Variants in KCNJ4 observed in about 807,000 individuals in gnomAD.
KCNJ4 encodes inward rectifier potassium channel 4.
KCNJ4 carries 3 observed loss-of-function variants against 25.6 expected under a neutral mutation model. That is an observed-to-expected ratio of 0.12 (90% CI 0.05 to 0.30). KCNJ4 has a LOEUF of 0.30. Among genes scored for constraint, KCNJ4 ranks in the 10% least tolerant of loss-of-function variants. The pLI, the probability that KCNJ4 is intolerant of heterozygous loss-of-function variation, is 1.00. For missense variants in KCNJ4, 286 were observed against 666.8 expected (o/e 0.43, Z 6.29); for synonymous variants, 257 against 283.9 (o/e 0.91, Z 0.95).
chr22:38,431,042 C>T (rs1344174113), intron 1 of KCNJ4, among the ~76,000 whole-genome samples: 2 of 152,242 alleles, frequency 1.3e-5, no homozygotes, highest in Non-Finnish European at 2.9e-5. Context: ...GGACCACCAT[C>T]CACAGGTGTG....
At chr22:38,433,753 G>A (rs2145935743) in intron 1 of KCNJ4, among the ~76,000 whole-genome samples, 1 of 152,322 alleles carries the variant, frequency 6.6e-6, no homozygotes, top group South Asian at 2.1e-4. Context: ...GTCAACAGCT[G>A]TGGAAGGAAG....
At position 38,429,108 on chromosome 22, in the gene KCNJ4, A is replaced by G. The variant is rs952567866; in HGVS notation, c.-39-937T>C. ...CAAAAAAAAAAAAAAAAAAAAAAAGAAAGAAAAAGTTCTACTGGGACCCGC... is the reference window on the plus strand; with the variant it reads ...CAAAAAAAAAAAAAAAAAAAAAAAGGAAGAAAAAGTTCTACTGGGACCCGC... On this transcript the variant is annotated intron_variant, in intron 1 of 1. Coordinates refer to ENST00000303592, the MANE Select transcript of KCNJ4 (RefSeq NM_152868.3). Among the ~76,000 whole-genome samples the G allele has an allele frequency of 6.0e-5, 9 of 149,138 alleles. 1 individual carries two copies. The highest frequency in any genetic ancestry group is 2.0e-4 in the African/African-American group (8 of 40,714).
In KCNJ4 at chr22:38,427,086, C is replaced by T. The variant is rs370344876; in HGVS notation, c.1047G>A (p.Ser349=). Reference sequence around the variant, plus strand: ...TCTTACTCTCCTGCAGCTCCCGGGCCGAGCAGCAGGGCGTGCCGGCCACCT... The same window carrying T: ...TCTTACTCTCCTGCAGCTCCCGGGCTGAGCAGCAGGGCGTGCCGGCCACCT... The part of the protein sequence containing the change: ...TYEVAGTPCC[S]ARELQESKIT... The change falls in exon 2 of 2, where the codon TCG becomes TCA. Residue 349 remains serine (S), a synonymous_variant. Coordinates refer to ENST00000303592, the MANE Select transcript of KCNJ4 (RefSeq NM_152868.3). 192 of 1,612,716 alleles carry T rather than the reference C, an allele frequency of 1.2e-4. 1 individual carries two copies. Among genetic ancestry groups the T allele is most frequent in the Middle Eastern group, 1.2e-3 (7 of 6,084 alleles).
chr22:38,441,025 G>C (rs1056456760), intron 1 of KCNJ4, among the ~76,000 whole-genome samples: 4 of 152,234 alleles, frequency 2.6e-5, no homozygotes, highest in Admixed American at 6.5e-5. Context: ...GCTGGGCCAA[G>C]GGCATGGAAA....
At position 38,440,843 on chromosome 22, in the gene KCNJ4, C is replaced by T. The variant is rs183490770; in HGVS notation, c.-39-12672G>A. Among the ~76,000 whole-genome samples the T allele has an allele frequency of 3.7e-3, 561 of 152,192 alleles. 7 individuals carry two copies. The highest frequency in any genetic ancestry group is 0.013 in the African/African-American group (546 of 41,514). On this transcript the variant is annotated intron_variant, in intron 1 of 1. Transcript: ENST00000303592. Reference sequence around the variant, plus strand: ...GGCCTGTAGTGGTGGAAGACTGAAACGGGGCCAGGTTTCGGGAGCGACGGT... The same window carrying T: ...GGCCTGTAGTGGTGGAAGACTGAAATGGGGCCAGGTTTCGGGAGCGACGGT...
intron 1 of KCNJ4, among the ~76,000 whole-genome samples, chr22:38,432,289 T>TAAATAAAA (rs1569119591): frequency 7.4e-6 from 1 of 135,778 alleles, no homozygotes; most frequent in African/African-American, 3.3e-5. Flanking sequence ...ATAAATAAAA[T>TAAATAAAA]AAAATAAAAT....
At chr22:38,451,906 G>T (rs1315541155) in intron 1 of KCNJ4, among the ~76,000 whole-genome samples, 2 of 152,198 alleles carry the variant, frequency 1.3e-5, no homozygotes, top group Non-Finnish European at 2.9e-5. Flanking sequence ...CCTTCTGTCT[G>T]AATCCAGGCA....
At position 38,426,655 on chromosome 22, in the gene KCNJ4, C is replaced by T. The variant is rs1248035414; in HGVS notation, c.*140G>A. ...GCTGGAGTCAGGAGGAAGGGGTCCC[C>T]CAGTCTTTGAAACCCCCACCTTCCT... On this transcript the variant is annotated 3_prime_UTR_variant, in exon 2 of 2. Coordinates refer to ENST00000303592, the MANE Select transcript of KCNJ4 (RefSeq NM_152868.3). 74 of 1,104,886 alleles carry T rather than the reference C, an allele frequency of 6.7e-5. No homozygotes were observed. The highest frequency in any genetic ancestry group is 9.2e-5 in the Non-Finnish European group (70 of 764,738). The allele number at this position is 1,104,886 out of a possible 1,614,324, so 68.4% of individuals were successfully genotyped here.
chr22:38,434,799 G>C (rs915769511), intron 1 of KCNJ4, among the ~76,000 whole-genome samples: 7 of 152,128 alleles, frequency 4.6e-5, no homozygotes, highest in African/African-American at 1.4e-4. Context: ...ATATGTTTTG[G>C]GTGGCAAGAC....
chr22:38,432,196 C>A (rs2093051843), intron 1 of KCNJ4, among the ~76,000 whole-genome samples: 1 of 151,142 alleles, frequency 6.6e-6, no homozygotes, highest in African/African-American at 2.4e-5. Context: ...GCAGAGGTTG[C>A]AGTGAGCCAA....
At position 38,427,920 on chromosome 22, in the gene KCNJ4, G is replaced by C; in HGVS notation, c.213C>G (p.Leu71=). The C allele has an allele frequency of 6.2e-7, 1 of 1,613,132 alleles. No homozygotes were observed. Among genetic ancestry groups the C allele is most frequent in the Non-Finnish European group, 8.5e-7 (1 of 1,179,232 alleles). The part of the protein sequence containing the change: ...IFSAAFLVSW[L]FFGLLFWCIA... ...TACACCAGAAGAGGAGGCCGAAAAA[G>C]AGCCAGGAGACAAGGAAGGCCGCGG... The change falls in exon 2 of 2, where the codon CTC becomes CTG. Residue 71 remains leucine, a synonymous_variant. Coordinates refer to ENST00000303592, the MANE Select transcript of KCNJ4 (RefSeq NM_152868.3).
chr22:38,437,464 C>T lies in KCNJ4; in HGVS notation c.-39-9293G>A, dbSNP rs546115595. Among the ~76,000 whole-genome samples, 5 of 152,234 alleles carry T rather than the reference C, an allele frequency of 3.3e-5. No homozygotes were observed. In the East Asian group the frequency reaches 7.7e-4, roughly 23 times the overall value. ...AGAACAACCGCAGCTCCCTCAGTGG[C>T]GGCAGGTGGGGCTTCAACACCCCAC... On this transcript the variant is annotated intron_variant, in intron 1 of 1. Transcript: ENST00000303592.
chr22:38,432,529 C>T (rs2093053396), intron 1 of KCNJ4, among the ~76,000 whole-genome samples: 1 of 152,118 alleles, frequency 6.6e-6, no homozygotes, highest in Admixed American at 6.5e-5. Context: ...GCATCAGGTC[C>T]TCCTCCAATT....
chr22:38,436,574 C>T (rs2093066133), intron 1 of KCNJ4, among the ~76,000 whole-genome samples: 2 of 152,154 alleles, frequency 1.3e-5, no homozygotes, highest in South Asian at 4.2e-4. Flanking sequence ...ATGGTGGGGG[C>T]TCAAGAAAGC....
At chr22:38,446,350 G>A (rs1374055149) in intron 1 of KCNJ4, among the ~76,000 whole-genome samples, 8 of 152,246 alleles carry the variant, frequency 5.3e-5, no homozygotes. Context: ...GTTGGGGGCA[G>A]CCTTGGAGCC....
At chr22:38,440,370 C>T (rs530077145) in intron 1 of KCNJ4, among the ~76,000 whole-genome samples, 2 of 151,942 alleles carry the variant, frequency 1.3e-5, no homozygotes, top group South Asian at 2.1e-4. Flanking sequence ...GGTAAAACAC[C>T]GTCTCTATTG....
chr22:38,428,194 G>T, intron 1 of KCNJ4, 23 bp from the exon 2 acceptor site: 1 of 1,546,396 alleles, frequency 6.5e-7, no homozygotes. Flanking sequence ...AGCCGGACAG[G>T]TGAGATGCTG....
intron 1 of KCNJ4, among the ~76,000 whole-genome samples, chr22:38,439,983 C>T (rs1238058590): frequency 1.3e-5 from 2 of 150,536 alleles, no homozygotes; most frequent in African/African-American, 2.4e-5. Flanking sequence ...CCCAGCTACT[C>T]GGGAGGCTGA....
rs753451308 is a variant in KCNJ4, at chr22:38,443,670, GGCTTGGGA to G, written c.-40+11302_-40+11309del. ...GTGCTGTCATCATCATCCCACAGTG[GGCTTGGGA>G]GCTTGCCCAAAGCGGGTGAACCTCG... On this transcript the variant is annotated intron_variant, in intron 1 of 1. Coordinates refer to ENST00000303592, the MANE Select transcript of KCNJ4 (RefSeq NM_152868.3). The surrounding 1 kb of genome is among the most constrained non-coding windows in gnomAD (Gnocchi z 4.1). 1.1e-4 allele frequency among the ~76,000 whole-genome samples: 16 copies of G among 152,280 alleles called. No individual in the cohort carries two copies. The highest frequency in any genetic ancestry group is 2.1e-4 in the South Asian group (1 of 4,824).
Sources: allele counts gnomAD v4.1 joint callset (sites outside exome capture counted in the v4.1 genomes callset), GRCh38; gene constraint gnomAD v4.1.1; non-coding constraint Gnocchi (gnomAD v3.1); transcripts MANE v1.5; gene names NCBI Gene and HGNC (gene_info 2026-07-23, HGNC 2026-07-21).